The following TBC1D16 variants were observed in gnomAD, a reference collection of about 807,000 sequenced individuals.
The protein encoded by TBC1D16 is TBC1 domain family member 16.
In TBC1D16, 58 loss-of-function variants were observed where a neutral mutation model predicts 74.7. The ratio of observed to expected loss-of-function variants is 0.78; its 90% CI spans 0.63 to 0.97. The LOEUF (loss-of-function observed/expected upper bound fraction) is 0.97, where lower values mean the gene tolerates loss of function less well. TBC1D16 is among the 50% of genes least tolerant of loss of function. The probability of loss-of-function intolerance (pLI) is 0.00; values close to 1 mark genes in which losing one functional copy is unlikely to be tolerated. For missense variants in TBC1D16, 1,014 were observed against 1,079.5 expected, an observed-to-expected ratio of 0.94 and a Z score of 0.85; for synonymous variants, 493 against 474.7, an observed-to-expected ratio of 1.04 and a Z score of -0.50.
chr17:79,950,568 G>A lies in TBC1D16; in HGVS notation c.1100C>T (p.Pro367Leu). Residue 367 changes from proline (P) to leucine (L), a missense_variant, in exon 6 of 12, where the codon CCC becomes CTC. Coordinates refer to ENST00000310924, the MANE Select transcript of TBC1D16 (RefSeq NM_019020.4). The surrounding 1 kb of genome is among the most constrained non-coding windows in gnomAD (Gnocchi z 4.6). ...GGAGAACTGCATGCATGTCTTATCG[G>A]GGGCGACCTGCTGGACGGGAGGAAA... Reference protein sequence around the residue: ...EMQLKDQQVAPDKTCMQFSIR... With the variant: ...EMQLKDQQVALDKTCMQFSIR... 1 of 1,612,464 alleles carries A rather than the reference G, an allele frequency of 6.2e-7. No homozygotes were observed. Among genetic ancestry groups the A allele is most frequent in the Non-Finnish European group, 8.5e-7 (1 of 1,179,628 alleles).
rs890134444 is a variant in TBC1D16 at position 80,024,192 on chromosome 17, C to T, written c.-62-10583G>A. 1.7e-4 allele frequency among the ~76,000 whole-genome samples: 25 copies of T among 143,700 alleles called. 3 individuals are homozygous for T. The highest frequency in any genetic ancestry group is 6.5e-4 in the African/African-American group (25 of 38,294). The allele number at this position is 143,700 out of a possible 152,430, so 94.3% of individuals were successfully genotyped here. On this transcript the variant is annotated intron_variant, in intron 1 of 11. Transcript: ENST00000310924. ...CCCCACTTCAGCCCACCAGGCAGGA[C>T]TGCAGCGGGGCACGCCCCACGGACC...
rs1359351801 is a variant in TBC1D16 at position 79,941,865 on chromosome 17, T to A, written c.2055+195A>T. On this transcript the variant is annotated intron_variant, in intron 11 of 11. Coordinates refer to ENST00000310924, the MANE Select transcript of TBC1D16 (RefSeq NM_019020.4). This position sits in a 1 kb window ranked among gnomAD's most constrained non-coding sequence, Gnocchi z 4.3. ...GGTGACACAGCCAGGCCGAGACAGGTGCTGACCACGAGGCCTTAGTGGGGA... is the reference window on the plus strand; with the variant it reads ...GGTGACACAGCCAGGCCGAGACAGGAGCTGACCACGAGGCCTTAGTGGGGA... Among the ~76,000 whole-genome samples the A allele has an allele frequency of 3.3e-5, 5 of 150,124 alleles. No homozygotes were observed. Among genetic ancestry groups the A allele is most frequent in the Admixed American group, 2.6e-4 (4 of 15,158 alleles).
chr17:80,017,212 G>C (rs559025207), intron 1 of TBC1D16, among the ~76,000 whole-genome samples: 2 of 152,140 alleles, frequency 1.3e-5, no homozygotes, highest in African/African-American at 2.4e-5. Context: ...CTGGGCCGGA[G>C]AGTCTCTGTC....
chr17:80,032,973 T>A (rs964264698), intron 1 of TBC1D16, among the ~76,000 whole-genome samples: 2 of 152,164 alleles, frequency 1.3e-5, no homozygotes, highest in African/African-American at 4.8e-5. Flanking sequence ...CATAGCATCC[T>A]GCAGGGACCC....
At position 79,956,264 on chromosome 17, in the gene TBC1D16, GT is replaced by G. The variant is rs898572298; in HGVS notation, c.780-3447del. ...GAAGCGGTTTTTTGTTTGTTTGTTT[GT>G]TTTTTAAAGACAAGGTCTCCCTCTA... On this transcript the variant is annotated intron_variant, in intron 3 of 11. Transcript: ENST00000310924. This position sits in a 1 kb window ranked among gnomAD's most constrained non-coding sequence, Gnocchi z 4.0. Among the ~76,000 whole-genome samples the G allele has an allele frequency of 4.6e-5, 7 of 152,240 alleles. No homozygotes were observed. In the South Asian group the frequency reaches 1.4e-3, roughly 32 times the overall value.
chr17:79,993,462 A>G lies in TBC1D16; in HGVS notation c.779+16698T>C, dbSNP rs2035150175. ...TCTGCCTTGCAGGTGTTTAGGGAAC[A>G]TTGTTCAGACTGGAAGGAAGAGCCA... On this transcript the variant is annotated intron_variant, in intron 3 of 11. Coordinates refer to ENST00000310924, the MANE Select transcript of TBC1D16 (RefSeq NM_019020.4). The surrounding 1 kb of genome is among the most constrained non-coding windows in gnomAD (Gnocchi z 5.1). 1 of 152,072 alleles carries G rather than the reference A, an allele frequency of 6.6e-6. No individual in the cohort carries two copies. The highest frequency in any genetic ancestry group is 2.4e-5 in the African/African-American group (1 of 41,362). The allele number at this position is 152,072 out of a possible 1,614,324, so 9.4% of individuals were successfully genotyped here.
Position 79,981,492 on chromosome 17 carries a change from C to A in TBC1D16, c.779+28668G>T, listed in dbSNP as rs1330992612. 6.6e-6 allele frequency among the ~76,000 whole-genome samples: 1 copy of A among 152,224 alleles called. No individual in the cohort carries two copies. The highest frequency in any genetic ancestry group is 1.5e-5 in the Non-Finnish European group (1 of 68,032). On this transcript the variant is annotated intron_variant, in intron 3 of 11. Transcript: ENST00000310924. This position sits in a 1 kb window ranked among gnomAD's most constrained non-coding sequence, Gnocchi z 6.9. ...TGGGTGCCCCCGACAAGTTTAACCC[C>A]TTCCTTCTTTGGCACACACTTCACA... is the stretch of plus-strand genomic sequence containing the variant.
intron 3 of TBC1D16, among the ~76,000 whole-genome samples, chr17:80,004,499 G>A (rs1274550312): frequency 6.6e-6 from 1 of 152,164 alleles, no homozygotes; most frequent in Non-Finnish European, 1.5e-5. Flanking sequence ...AAAAAGTGGG[G>A]TAAGATCTCA....
chr17:80,006,520 A>C (rs2035684940), intron 3 of TBC1D16, among the ~76,000 whole-genome samples: 1 of 152,164 alleles, frequency 6.6e-6, no homozygotes, highest in Non-Finnish European at 1.5e-5. Flanking sequence ...GGGATGGGGC[A>C]AGGAGCACCA....
Position 79,971,938 on chromosome 17 carries a change from G to A in TBC1D16, c.780-19120C>T, listed in dbSNP as rs979298863. On this transcript the variant is annotated intron_variant, in intron 3 of 11. Coordinates refer to ENST00000310924, the MANE Select transcript of TBC1D16 (RefSeq NM_019020.4). The surrounding 1 kb of genome is among the most constrained non-coding windows in gnomAD (Gnocchi z 4.6). ...GTGGGTGCAGGGACAAGGAAGGTCT[G>A]CGGAGGACAGGTCGGAGTGCTCTGA... Among the ~76,000 whole-genome samples, 21 of 152,070 alleles carry A rather than the reference G, an allele frequency of 1.4e-4. No individual in the cohort carries two copies. Among genetic ancestry groups the A allele is most frequent in the Non-Finnish European group, 2.5e-4 (17 of 68,008 alleles).
chr17:79,984,616 GGAGT>G (rs1318165211), intron 3 of TBC1D16, among the ~76,000 whole-genome samples: 4 of 94,212 alleles, frequency 4.2e-5, no homozygotes, highest in Non-Finnish European at 4.6e-5. Context: ...AGGGAGGGAG[GGAGT>G]GAAGGAAGGA....
intron 1 of TBC1D16, among the ~76,000 whole-genome samples, chr17:80,021,869 C>CACACACACCATGACACACAA: frequency 6.6e-6 from 1 of 150,932 alleles, no homozygotes; most frequent in East Asian, 1.9e-4. Context: ...CACTATGACA[C>CACACACACCATGACACACAA]ACACACACCA....
Position 79,940,957 on chromosome 17 carries a change from G to T in TBC1D16, c.2206C>A (p.Pro736Thr). The T allele has an allele frequency of 6.2e-7, 1 of 1,603,342 alleles. No homozygotes were observed. Among genetic ancestry groups the T allele is most frequent in the Non-Finnish European group, 8.5e-7 (1 of 1,175,638 alleles). ...GGCATCTCCACCGTGCCCCCGTAGG[G>T]ACAGCTCTCCGAGCCGGGATGGTGG... ...TGHHPGSESC[P>T]YGGTVEMPSP... The change falls in exon 12 of 12, where the codon CCC becomes ACC. Residue 736 changes from proline to threonine, a missense_variant. Physicochemically the swap from Pro to Thr is conservative, Grantham distance 38. Transcript: ENST00000310924. This position sits in a 1 kb window ranked among gnomAD's most constrained non-coding sequence, Gnocchi z 5.4.
chr17:80,000,640 C>T lies in TBC1D16; in HGVS notation c.779+9520G>A, dbSNP rs950503049. On this transcript the variant is annotated intron_variant, in intron 3 of 11. Coordinates refer to ENST00000310924, the MANE Select transcript of TBC1D16 (RefSeq NM_019020.4). This position sits in a 1 kb window ranked among gnomAD's most constrained non-coding sequence, Gnocchi z 4.1. ...AGGACACTGATACGAGCACGTCCAA[C>T]GGGGCTGGCAACTCAGTCAGGTACA... Among the ~76,000 whole-genome samples the T allele has an allele frequency of 4.6e-5, 7 of 152,206 alleles. No individual in the cohort carries two copies. The highest frequency in any genetic ancestry group is 7.2e-5 in the African/African-American group (3 of 41,450).
At position 80,001,615 on chromosome 17, in the gene TBC1D16, G is replaced by C. The variant is rs999784163; in HGVS notation, c.779+8545C>G. On this transcript the variant is annotated intron_variant, in intron 3 of 11. Transcript: ENST00000310924. This position sits in a 1 kb window ranked among gnomAD's most constrained non-coding sequence, Gnocchi z 5.8. Reference sequence around the variant, plus strand: ...TTGATCCTGAAATTTGGGAGGAATGGAGGATGCAGCCCTCCCAGCTCCTGG... The same window carrying C: ...TTGATCCTGAAATTTGGGAGGAATGCAGGATGCAGCCCTCCCAGCTCCTGG... Among the ~76,000 whole-genome samples the C allele has an allele frequency of 1.3e-5, 2 of 152,114 alleles. No homozygotes were observed. The highest frequency in any genetic ancestry group is 1.3e-4 in the Admixed American group (2 of 15,280).
At chr17:79,970,920 A>G (rs2034070005) in intron 3 of TBC1D16, among the ~76,000 whole-genome samples, 1 of 148,736 alleles carries the variant, frequency 6.7e-6, no homozygotes, top group Non-Finnish European at 1.5e-5. Flanking sequence ...ACAGAGATGC[A>G]GTTTGCTCTT....
chr17:79,963,742 G>C (rs184430004), intron 3 of TBC1D16, among the ~76,000 whole-genome samples: 3 of 152,122 alleles, frequency 2.0e-5, no homozygotes, highest in African/African-American at 7.2e-5. Flanking sequence ...ACCGACACTT[G>C]TTAGTTTTTA....
At chr17:80,016,199 G>A (rs976862175) in intron 1 of TBC1D16, among the ~76,000 whole-genome samples, 2 of 151,900 alleles carry the variant, frequency 1.3e-5, no homozygotes, top group Admixed American at 6.6e-5. Flanking sequence ...ACTCGTGTGA[G>A]GTCCCTAGAG....
Position 79,971,955 on chromosome 17 carries a change from G to T in TBC1D16, c.780-19137C>A, listed in dbSNP as rs1185209946. Among the ~76,000 whole-genome samples the T allele has an allele frequency of 6.6e-6, 1 of 152,140 alleles. No homozygotes were observed. Among genetic ancestry groups the T allele is most frequent in the Non-Finnish European group, 1.5e-5 (1 of 68,034 alleles). On this transcript the variant is annotated intron_variant, in intron 3 of 11. Coordinates refer to ENST00000310924, the MANE Select transcript of TBC1D16 (RefSeq NM_019020.4). This position sits in a 1 kb window ranked among gnomAD's most constrained non-coding sequence, Gnocchi z 4.6. ...GAAGGTCTGCGGAGGACAGGTCGGA[G>T]TGCTCTGAAAACGGCCCTGGCATTG...
Sources: gnomAD v4.1 joint callset for allele counts (sites outside exome capture counted in the v4.1 genomes callset) on GRCh38, gnomAD v4.1.1 for gene constraint, Gnocchi (gnomAD v3.1) non-coding constraint, MANE v1.5 for transcripts, NCBI Gene and HGNC (gene_info 2026-07-23, HGNC 2026-07-21) for gene names.